RBFOX1: variants seen among roughly 807,000 people sequenced by gnomAD.
RBFOX1 encodes RNA binding fox-1 homolog 1.
Under a neutral mutation model 57.7 loss-of-function variants are expected in RBFOX1, and 8 were observed. The observed-to-expected ratio is 0.14, with a 90% CI of 0.08 to 0.25. The LOEUF (loss-of-function observed/expected upper bound fraction) is 0.25, where lower values mean the gene tolerates loss of function less well. Among genes scored for constraint, RBFOX1 ranks in the 10% least tolerant of loss-of-function variants. The pLI is 1.00. For missense variants in RBFOX1, 611 were observed against 548.5 expected (o/e 1.11, Z -1.14); for synonymous variants, 326 against 222.4 (o/e 1.47, Z -4.15).
chr16:5,391,558 C>T (rs939075972), intron 1 of RBFOX1, among the ~76,000 whole-genome samples: 5 of 152,104 alleles, frequency 3.3e-5, no homozygotes, highest in African/African-American at 9.7e-5. Flanking sequence ...CTTAATTCTT[C>T]TGTGTGCCAG....
At position 5,434,307 on chromosome 16, in the gene RBFOX1, T is replaced by A. The variant is rs181773818; in HGVS notation, c.220-32909T>A. Among the ~76,000 whole-genome samples the A allele has an allele frequency of 5.0e-3, 714 of 142,536 alleles. 2 individuals carry two copies. Among genetic ancestry groups the A allele is most frequent in the Non-Finnish European group, 8.6e-3 (568 of 65,980 alleles). The allele number at this position is 142,536 out of a possible 152,430, so 93.5% of individuals were successfully genotyped here. On this transcript the variant is annotated intron_variant, in intron 1 of 2. Coordinates refer to the RBFOX1 transcript ENST00000585867. ...CACACGCATCAGAGGGAGCCATCTC[T>A]GCTGAAGTCCTTTTTTTTTTTTTTT...
At chr16:6,790,636 G>C (rs903365522) in intron 3 of RBFOX1, among the ~76,000 whole-genome samples, 1 of 152,000 alleles carries the variant, frequency 6.6e-6, no homozygotes, top group Non-Finnish European at 1.5e-5. Context: ...CTGTAGTTAG[G>C]ACTCTGAGCT....
chr16:6,925,882 T>G (rs1181370956), intron 3 of RBFOX1, among the ~76,000 whole-genome samples: 2 of 152,212 alleles, frequency 1.3e-5, no homozygotes, highest in African/African-American at 4.8e-5. Context: ...TACATTTCTC[T>G]ATGTAATTTT....
rs569908959 is a variant in RBFOX1, at chr16:7,221,312, C to G, written c.27+169214C>G. ...CTAGATTATAAAACACAAATATTAA[C>G]TTTTGACTTGTTTATTCTTTATTTT... is the stretch of plus-strand genomic sequence containing the variant. On this transcript the variant is annotated intron_variant, in intron 4 of 15. Coordinates refer to ENST00000550418, the MANE Select transcript of RBFOX1 (RefSeq NM_018723.4). Among the ~76,000 whole-genome samples, 18 of 151,766 alleles carry G rather than the reference C, an allele frequency of 1.2e-4. No individual in the cohort carries two copies. In the East Asian group the frequency reaches 3.1e-3, roughly 26 times the overall value.
chr16:6,687,053 A>T (rs1417048901), intron 3 of RBFOX1, among the ~76,000 whole-genome samples: 1 of 152,238 alleles, frequency 6.6e-6, no homozygotes, highest in Non-Finnish European at 1.5e-5. Flanking sequence ...CAGTGTTAAA[A>T]ACAGGAACAG....
chr16:6,525,475 G>A (rs1294212672), intron 2 of RBFOX1, among the ~76,000 whole-genome samples: 1 of 152,234 alleles, frequency 6.6e-6, no homozygotes, highest in Non-Finnish European at 1.5e-5. Flanking sequence ...TTGTGCTCAA[G>A]TCAGGAGCAA....
At chr16:6,860,823 T>A (rs1049936433) in intron 3 of RBFOX1, among the ~76,000 whole-genome samples, 1 of 152,214 alleles carries the variant, frequency 6.6e-6, no homozygotes, top group African/African-American at 2.4e-5. Flanking sequence ...ATCATTTATG[T>A]ACAGTTTTTG....
At chr16:5,725,724 TC>T (rs1217440619) in intron 3 of RBFOX1, among the ~76,000 whole-genome samples, 1 of 151,860 alleles carries the variant, frequency 6.6e-6, no homozygotes, top group African/African-American at 2.4e-5. Context: ...CACTGGGACA[TC>T]TTTTTGCTGC....
rs1413814720 is a variant in RBFOX1, at chr16:5,947,151, G to C, written c.351+79816G>C. Among the ~76,000 whole-genome samples the C allele has an allele frequency of 6.6e-6, 1 of 152,142 alleles. No homozygotes were observed. The highest frequency in any genetic ancestry group is 2.4e-5 in the African/African-American group (1 of 41,438). On this transcript the variant is annotated intron_variant, in intron 4 of 19. Transcript: ENST00000641259. The surrounding 1 kb of genome is among the most constrained non-coding windows in gnomAD (Gnocchi z 7.2). ...GGATCATGTGAACTCAGGAGGTTGA[G>C]GTTGCAGCGAGCCGTGATTCTGCCA...
At chr16:7,168,851 C>T (rs2080106207) in intron 4 of RBFOX1, among the ~76,000 whole-genome samples, 1 of 152,164 alleles carries the variant, frequency 6.6e-6, no homozygotes, top group Non-Finnish European at 1.5e-5. Context: ...CTGACATGAA[C>T]AAATATACTT....
At chr16:7,462,928 A>G (rs2150595226) in intron 4 of RBFOX1, among the ~76,000 whole-genome samples, 1 of 152,362 alleles carries the variant, frequency 6.6e-6, no homozygotes, top group Admixed American at 6.5e-5. Context: ...GGGCCCACCC[A>G]GGTAGTTCAG....
At chr16:6,361,628 T>TTAAAAAAAAA (rs1371587081) in intron 2 of RBFOX1, among the ~76,000 whole-genome samples, 4 of 127,932 alleles carry the variant, frequency 3.1e-5, no homozygotes, top group African/African-American at 1.2e-4. Flanking sequence ...ACTCTGTCTC[T>TTAAAAAAAAA]AAAAAAAAAA....
intron 2 of RBFOX1, among the ~76,000 whole-genome samples, chr16:6,332,275 C>T (rs951158437): frequency 1.3e-5 from 2 of 152,146 alleles, no homozygotes; most frequent in East Asian, 1.9e-4. Context: ...GATCAACCAG[C>T]ATTTACTGAG....
At chr16:7,623,855 T>C (rs1264887260) in intron 10 of RBFOX1, among the ~76,000 whole-genome samples, 4 of 152,202 alleles carry the variant, frequency 2.6e-5, no homozygotes, top group African/African-American at 7.2e-5. Flanking sequence ...TCATCTCCTC[T>C]TCTTGTAAGA....
Position 7,213,682 on chromosome 16 carries a change from A to G in RBFOX1, c.27+161584A>G, listed in dbSNP as rs549713276. ...TCATTTAATAATCCTAACAGCCCTG[A>G]TATTGTCCCATTTTATACTCAAGGG... On this transcript the variant is annotated intron_variant, in intron 4 of 15. Coordinates refer to ENST00000550418, the MANE Select transcript of RBFOX1 (RefSeq NM_018723.4). Among the ~76,000 whole-genome samples the G allele has an allele frequency of 1.2e-4, 19 of 152,270 alleles. No homozygotes were observed. In the South Asian group the frequency reaches 3.9e-3, roughly 32 times the overall value.
chr16:7,304,404 G>A (rs1032502652), intron 4 of RBFOX1: 2 of 985,364 alleles, frequency 2.0e-6, no homozygotes, highest in Non-Finnish European at 2.4e-6. Flanking sequence ...ATCCTCTGAC[G>A]GGGGCCACCT....
At chr16:7,144,613 G>C (rs1221409151) in intron 4 of RBFOX1, among the ~76,000 whole-genome samples, 1 of 151,704 alleles carries the variant, frequency 6.6e-6, no homozygotes, top group Non-Finnish European at 1.5e-5. Context: ...GAAAGTTCAA[G>C]TCTGAACATT....
rs145930622 is a variant in RBFOX1 at position 6,548,063 on chromosome 16, G to A, written c.-63-106540G>A. Among the ~76,000 whole-genome samples, 614 of 152,228 alleles carry A rather than the reference G, an allele frequency of 4.0e-3. 9 individuals carry two copies. Among genetic ancestry groups the A allele is most frequent in the African/African-American group, 0.013 (550 of 41,532 alleles). On this transcript the variant is annotated intron_variant, in intron 2 of 15. Transcript: ENST00000550418. ...ACTATTCATCGTAGTAAGAATTGCA[G>A]GACCTACTATTAACTTCAGTTCTTT...
chr16:7,660,968 T>C lies in RBFOX1; in HGVS notation c.891-3961T>C, dbSNP rs546059772. Among the ~76,000 whole-genome samples the C allele has an allele frequency of 1.1e-4, 16 of 152,238 alleles. 1 individual carries two copies. The highest frequency in any genetic ancestry group is 6.2e-4 in the South Asian group (3 of 4,822). On this transcript the variant is annotated intron_variant, in intron 12 of 15. Transcript: ENST00000550418. ...TACATGTCTAAAGAGGCAATGATCA[T>C]ATTGTCCATCTCATGGGGGTATTCT... is the stretch of plus-strand genomic sequence containing the variant.
Sources: allele counts gnomAD v4.1 joint callset (sites outside exome capture counted in the v4.1 genomes callset), GRCh38; gene constraint gnomAD v4.1.1; non-coding constraint Gnocchi (gnomAD v3.1); transcripts MANE v1.5; gene names NCBI Gene and HGNC (gene_info 2026-07-23, HGNC 2026-07-21).